Variants in RABGAP1L observed in about 807,000 individuals in gnomAD.
The protein encoded by RABGAP1L is RAB GTPase activating protein 1 like.
A neutral mutation model predicts 137.7 loss-of-function variants in RABGAP1L; 63 were observed. The ratio of observed to expected loss-of-function variants is 0.46; its 90% confidence interval spans 0.37 to 0.56. The LOEUF is 0.56. RABGAP1L is among the 20% of genes least tolerant of loss of function. The pLI is 0.00. For synonymous variants in RABGAP1L, 431 were observed against 433.7 expected, an observed-to-expected ratio of 0.99 and a Z score of 0.08; for missense variants, 1,095 against 1,244.0, an observed-to-expected ratio of 0.88 and a Z score of 1.80.
chr1:174,874,984 C>G (rs1298708209), intron 19 of RABGAP1L, among the ~76,000 whole-genome samples: 4 of 152,144 alleles, frequency 2.6e-5, no homozygotes. Context: ...TGTCCCTGCT[C>G]AAGAAAATCT....
At chr1:174,718,452 G>A (rs549406733) in intron 17 of RABGAP1L, among the ~76,000 whole-genome samples, 1 of 152,234 alleles carries the variant, frequency 6.6e-6, no homozygotes, top group African/African-American at 2.4e-5. Context: ...GTCAATAAGT[G>A]CACAAGCTCA....
chr1:174,327,992 T>TACAC (rs1553274553), intron 11 of RABGAP1L, among the ~76,000 whole-genome samples: 35 of 57,590 alleles, frequency 6.1e-4, no homozygotes, highest in East Asian at 1.5e-3. Flanking sequence ...CACACATATA[T>TACAC]ATATATATAT....
intron 18 of RABGAP1L, 99 bp from the exon 19 acceptor site, chr1:174,811,733 T>A: frequency 8.2e-7 from 1 of 1,212,608 alleles, no homozygotes; most frequent in South Asian, 2.5e-5. Flanking sequence ...AGATCTTAGC[T>A]ATAAAAGTAT....
intron 23 of RABGAP1L, among the ~76,000 whole-genome samples, chr1:174,980,287 C>G (rs1390420577): frequency 6.6e-6 from 1 of 152,126 alleles, no homozygotes; most frequent in Non-Finnish European, 1.5e-5. Flanking sequence ...AGCTATTTTA[C>G]TCTTCTATGA....
intron 18 of RABGAP1L, among the ~76,000 whole-genome samples, chr1:174,781,269 G>A (rs1686981135): frequency 6.6e-6 from 1 of 152,280 alleles, no homozygotes; most frequent in Admixed American, 6.5e-5. Flanking sequence ...ATTCTAACTG[G>A]TGTGAGATGA....
chr1:174,328,564 G>C (rs1680750912), intron 11 of RABGAP1L, among the ~76,000 whole-genome samples: 1 of 152,166 alleles, frequency 6.6e-6, no homozygotes. Flanking sequence ...GAGGTCAGGA[G>C]TTCAAGATCA....
chr1:174,629,773 C>A (rs1673197400), intron 13 of RABGAP1L, among the ~76,000 whole-genome samples: 1 of 152,214 alleles, frequency 6.6e-6, no homozygotes, highest in Non-Finnish European at 1.5e-5. Flanking sequence ...ATCCGCCCGC[C>A]TCAGCCTCCC....
intron 13 of RABGAP1L, among the ~76,000 whole-genome samples, chr1:174,444,783 A>C (rs1654553325): frequency 6.6e-6 from 1 of 151,990 alleles, no homozygotes; most frequent in East Asian, 1.9e-4. Context: ...AGTCAATTGT[A>C]ATGTCTTTTC....
chr1:174,696,418 C>T (rs1346529733), intron 15 of RABGAP1L, among the ~76,000 whole-genome samples: 4 of 152,174 alleles, frequency 2.6e-5, no homozygotes, highest in African/African-American at 9.7e-5. Context: ...GCTACCCCAG[C>T]TGGTGTTTCA....
chr1:174,635,539 C>T (rs1457939012), intron 13 of RABGAP1L, among the ~76,000 whole-genome samples: 1 of 152,078 alleles, frequency 6.6e-6, no homozygotes, highest in African/African-American at 2.4e-5. Flanking sequence ...TTCTATACCC[C>T]CACCCCACCC....
chr1:174,530,566 T>C (rs1468696161), intron 13 of RABGAP1L, among the ~76,000 whole-genome samples: 1 of 152,182 alleles, frequency 6.6e-6, no homozygotes. Context: ...TGAGGATCTT[T>C]CAATTACCTT....
intron 7 of RABGAP1L, among the ~76,000 whole-genome samples, chr1:174,255,698 A>T (rs1035757147): frequency 6.6e-5 from 10 of 151,954 alleles, no homozygotes; most frequent in African/African-American, 2.4e-4. Context: ...CTAATTTTGT[A>T]TATTTTTAGT....
At chr1:174,741,059 G>T (rs59390352) in intron 17 of RABGAP1L, among the ~76,000 whole-genome samples, 20,900 of 75,552 alleles carry the variant, frequency 0.28, 1,613 homozygotes, top group East Asian at 0.43. Context: ...TTTTTTTTTT[G>T]TGTGTGGGAG....
intron 1 of RABGAP1L, among the ~76,000 whole-genome samples, chr1:174,170,506 C>G (rs1665269123): frequency 6.6e-6 from 1 of 151,848 alleles, no homozygotes; most frequent in Non-Finnish European, 1.5e-5. Context: ...GAAACCCCAT[C>G]TCTACTAAAA....
intron 13 of RABGAP1L, among the ~76,000 whole-genome samples, chr1:174,505,984 A>G (rs1661776965): frequency 6.6e-6 from 1 of 152,242 alleles, no homozygotes; most frequent in Non-Finnish European, 1.5e-5. Flanking sequence ...AAATTCTGTC[A>G]TATACATAAA....
chr1:174,191,704 A>G (rs143965181), intron 1 of RABGAP1L, among the ~76,000 whole-genome samples: 55 of 152,260 alleles, frequency 3.6e-4, no homozygotes, highest in African/African-American at 1.3e-3. Flanking sequence ...ACTGCTTGGT[A>G]TGCTTTAATC....
chr1:174,957,579 T>C, intron 20 of RABGAP1L, 30 bp downstream of exon 20: 1 of 1,551,026 alleles, frequency 6.4e-7, no homozygotes, highest in Non-Finnish European at 8.9e-7. Context: ...CCTATCAAAG[T>C]ACCTTCTTTT....
chr1:174,767,370 G>A (rs1251839424), intron 18 of RABGAP1L, among the ~76,000 whole-genome samples: 1 of 152,146 alleles, frequency 6.6e-6, no homozygotes, highest in Admixed American at 6.5e-5. Context: ...TTTTTTTGAT[G>A]ATACTTTGTG....
At chr1:174,836,879 G>T (rs1004430465) in intron 19 of RABGAP1L, among the ~76,000 whole-genome samples, 3 of 152,188 alleles carry the variant, frequency 2.0e-5, no homozygotes, top group African/African-American at 7.2e-5. Flanking sequence ...CCAAATGAAT[G>T]CTGAAAGTAG....
Sources: gnomAD v4.1 joint callset for allele counts (sites outside exome capture counted in the v4.1 genomes callset) on GRCh38, gnomAD v4.1.1 for gene constraint, MANE v1.5 for transcripts, NCBI Gene and HGNC (gene_info 2026-07-23, HGNC 2026-07-21) for gene names.